Variants in LYPD6B observed in about 807,000 individuals in gnomAD.
LYPD6B encodes the protein ly6/PLAUR domain-containing protein 6B.
A neutral mutation model predicts 22.8 loss-of-function variants in LYPD6B; 17 were observed. The ratio of observed to expected loss-of-function variants is 0.75; its 90% CI spans 0.51 to 1.12. The LOEUF (loss-of-function observed/expected upper bound fraction) is 1.12. Among genes scored for constraint, LYPD6B ranks in the 50% most tolerant of loss-of-function variants. The pLI is 0.00. For synonymous variants in LYPD6B, 106 were observed against 91.6 expected, an observed-to-expected ratio of 1.16 and a Z score of -0.90; for missense variants, 221 against 258.3, an observed-to-expected ratio of 0.86 and a Z score of 0.99.
At chr2:149,192,085 G>A (rs1016495934) in intron 3 of LYPD6B, among the ~76,000 whole-genome samples, 22 of 135,154 alleles carry the variant, frequency 1.6e-4, no homozygotes, top group African/African-American at 5.4e-4. Flanking sequence ...TGTTAAGGAG[G>A]GCTATGCTAT....
At chr2:149,197,054 A>G (rs1692856443) in intron 3 of LYPD6B, among the ~76,000 whole-genome samples, 1 of 152,196 alleles carries the variant, frequency 6.6e-6, no homozygotes, top group African/African-American at 2.4e-5. Flanking sequence ...TGAGTTCAAT[A>G]AAGAGAGCAG....
intron 3 of LYPD6B, among the ~76,000 whole-genome samples, chr2:149,190,639 C>T (rs1389874610): frequency 6.6e-6 from 1 of 152,138 alleles, no homozygotes; most frequent in Non-Finnish European, 1.5e-5. Context: ...ATTTTCATTT[C>T]TCCTATTCAA....
rs189711008 is a variant in LYPD6B, at chr2:149,160,772, C to T, written c.14C>T (p.Thr5Ile). 2.8e-4 allele frequency: 438 copies of T among 1,554,670 alleles called. No individual in the cohort carries two copies. In the African/African-American group the frequency reaches 5.4e-3, roughly 19 times the overall value. MLLI[T>I]LSANLFTVPE... ...TTTTTTATCTCTGGTAGGCTGATTA[C>T]TCTGAGTGCAAACCTTTTCACTGTT... The change falls in exon 3 of 7, where the codon ACT becomes ATT. Residue 5 changes from threonine to isoleucine, a missense_variant. Transcript: ENST00000409642.
At position 149,098,765 on chromosome 2, in the gene LYPD6B, CT is replaced by C. The variant is rs10658424; in HGVS notation, c.-66-32103del. Among the ~76,000 whole-genome samples, 669 of 140,036 alleles carry C rather than the reference CT, an allele frequency of 4.8e-3. 4 individuals carry two copies. The highest frequency in any genetic ancestry group is 7.8e-3 in the African/African-American group (295 of 38,038). The allele number at this position is 140,036 out of a possible 152,430, so 91.9% of individuals were successfully genotyped here. A position where few individuals can be genotyped will look rare whatever the true frequency, so the allele number is the denominator to read the frequency against. On this transcript the variant is annotated intron_variant, in intron 1 of 6. Transcript: ENST00000409642. ...TTACGTATATATACATGTGCTTTTTCTTTTTTTTTTTTTTTATCACACTGCC... is the reference window on the plus strand; with the variant it reads ...TTACGTATATATACATGTGCTTTTTCTTTTTTTTTTTTTTATCACACTGCC...
At chr2:149,115,144 G>A (rs1460903319) in intron 1 of LYPD6B, among the ~76,000 whole-genome samples, 2 of 152,090 alleles carry the variant, frequency 1.3e-5, no homozygotes, top group Non-Finnish European at 2.9e-5. Context: ...TCACCATGTT[G>A]GCCAGGCTGG....
chr2:149,086,813 C>G (rs1422437593), intron 1 of LYPD6B, among the ~76,000 whole-genome samples: 2 of 152,160 alleles, frequency 1.3e-5, no homozygotes, highest in African/African-American at 4.8e-5. Flanking sequence ...TTCCAGGCCT[C>G]TCTCCCAGGC....
Position 149,192,005 on chromosome 2 carries a change from A to T in LYPD6B, c.78-13248A>T, listed in dbSNP as rs1575155071. ...GCAAAGTGAGAAAGGTCTAGGGTAG[A>T]GATGGCTGAAATATTTGCTTTATGC... On this transcript the variant is annotated intron_variant, in intron 3 of 6. Transcript: ENST00000409642. 2.0e-5 allele frequency among the ~76,000 whole-genome samples: 3 copies of T among 152,200 alleles called. No individual in the cohort carries two copies. The East Asian group carries it at 5.8e-4, about 29-fold the overall frequency.
intron 3 of LYPD6B, chr2:149,204,957 A>G (rs1442752662): frequency 1.4e-5 from 4 of 277,770 alleles, no homozygotes; most frequent in African/African-American, 4.4e-5. Context: ...GCAGTCACTG[A>G]GGGAATGGGG....
chr2:149,105,157 T>A (rs1161039040), intron 1 of LYPD6B, among the ~76,000 whole-genome samples: 1 of 152,178 alleles, frequency 6.6e-6, no homozygotes, highest in African/African-American at 2.4e-5. Flanking sequence ...AATCAGTCAT[T>A]TGTATATTTG....
chr2:149,166,218 A>G (rs1690411398), intron 3 of LYPD6B, among the ~76,000 whole-genome samples: 1 of 152,210 alleles, frequency 6.6e-6, no homozygotes, highest in South Asian at 2.1e-4. Flanking sequence ...GGACTATCCC[A>G]AGGAAAGGGT....
At chr2:149,077,074 C>T (rs1325016232) in intron 1 of LYPD6B, among the ~76,000 whole-genome samples, 3 of 152,180 alleles carry the variant, frequency 2.0e-5, no homozygotes, top group Non-Finnish European at 4.4e-5. Flanking sequence ...ACAAACTGTG[C>T]CTCTGGCCAT....
intron 6 of LYPD6B, 56 bp downstream of exon 6, chr2:149,213,178 G>A (rs935317233): frequency 3.1e-5 from 49 of 1,595,444 alleles, no homozygotes; most frequent in Admixed American, 5.0e-5. Flanking sequence ...AATGTAAGTC[G>A]TAGATCAAAG....
At chr2:149,168,044 T>C (rs1690548435) in intron 3 of LYPD6B, among the ~76,000 whole-genome samples, 1 of 151,716 alleles carries the variant, frequency 6.6e-6, no homozygotes, top group African/African-American at 2.4e-5. Context: ...ACCCAATCTC[T>C]ACAAGAAATA....
At chr2:149,057,775 A>G (rs1030680953) in intron 1 of LYPD6B, among the ~76,000 whole-genome samples, 4 of 152,142 alleles carry the variant, frequency 2.6e-5, no homozygotes, top group East Asian at 1.9e-4. Flanking sequence ...TGGAAAGGGG[A>G]TCCTGAGAAA....
intron 4 of LYPD6B, 72 bp downstream of exon 4, chr2:149,205,476 A>G: frequency 6.8e-7 from 1 of 1,472,910 alleles, no homozygotes; most frequent in Non-Finnish European, 9.2e-7. Context: ...CCCCTTTTCC[A>G]TTTATTGTAA....
At chr2:149,099,474 C>G (rs1375757111) in intron 1 of LYPD6B, among the ~76,000 whole-genome samples, 1 of 152,030 alleles carries the variant, frequency 6.6e-6, no homozygotes, top group Non-Finnish European at 1.5e-5. Context: ...CCTTGGTCCC[C>G]TCATGGTAGG....
intron 2 of LYPD6B, among the ~76,000 whole-genome samples, chr2:149,158,419 A>G (rs1689842668): frequency 6.6e-6 from 1 of 152,340 alleles, no homozygotes; most frequent in South Asian, 2.1e-4. Flanking sequence ...GCCAGACACA[A>G]GAAAGGATAA....
chr2:149,103,760 G>A (rs1437412497), intron 1 of LYPD6B, among the ~76,000 whole-genome samples: 1 of 133,338 alleles, frequency 7.5e-6, no homozygotes, highest in Non-Finnish European at 1.6e-5. Flanking sequence ...GTTCATACAC[G>A]TTGTGCATAT....
intron 6 of LYPD6B, among the ~76,000 whole-genome samples, chr2:149,214,128 G>C (rs536890929): frequency 6.6e-6 from 1 of 152,284 alleles, no homozygotes; most frequent in Non-Finnish European, 1.5e-5. Flanking sequence ...ATAGACAATA[G>C]AGAGTCATTA....
Sources: gnomAD v4.1 joint callset for allele counts (sites outside exome capture counted in the v4.1 genomes callset) on GRCh38, gnomAD v4.1.1 for gene constraint, MANE v1.5 for transcripts, NCBI Gene and HGNC (gene_info 2026-07-23, HGNC 2026-07-21) for gene names.